DNAJC1: variants seen among roughly 807,000 people sequenced by gnomAD.
DNAJC1 encodes DnaJ heat shock protein family (Hsp40) member C1.
Under a neutral mutation model 76.6 loss-of-function variants are expected in DNAJC1, and 58 were observed. That is an observed-to-expected ratio of 0.76 (90% CI 0.61 to 0.94). DNAJC1 has a LOEUF of 0.94. Ranked by LOEUF, DNAJC1 falls within the 40% of genes least tolerant of loss-of-function variation. DNAJC1 has a pLI of 0.00. For synonymous variants in DNAJC1, 258 were observed against 267.9 expected, an observed-to-expected ratio of 0.96 and a Z score of 0.36; for missense variants, 689 against 677.3, an observed-to-expected ratio of 1.02 and a Z score of -0.19.
intron 3 of DNAJC1, among the ~76,000 whole-genome samples, chr10:21,922,777 A>G (rs1837060585): frequency 1.3e-5 from 2 of 152,004 alleles, no homozygotes; most frequent in Non-Finnish European, 2.9e-5. Flanking sequence ...TCCACATTCT[A>G]CTTCAGATTT....
chr10:21,993,055 T>C (rs1232351728), intron 1 of DNAJC1, among the ~76,000 whole-genome samples: 1 of 152,196 alleles, frequency 6.6e-6, no homozygotes, highest in East Asian at 1.9e-4. Flanking sequence ...ATAGGAAACA[T>C]TTTGATAAGA....
intron 1 of DNAJC1, among the ~76,000 whole-genome samples, chr10:21,938,422 T>TAATA (rs1412022010): frequency 1.3e-5 from 2 of 152,102 alleles, no homozygotes; most frequent in Non-Finnish European, 2.9e-5. Flanking sequence ...TTTTGCTACG[T>TAATA]AATAGCACTG....
chr10:21,813,208 C>A lies in DNAJC1; in HGVS notation c.979-7109G>T, dbSNP rs866038926. On this transcript the variant is annotated intron_variant, in intron 8 of 11. Transcript: ENST00000376980. ...TCTCTCTCTCTCTCTCTCTCTCTCT[C>A]TCTCTCTCTCTCTATATATATATAT... Among the ~76,000 whole-genome samples the A allele has an allele frequency of 2.3e-3, 160 of 68,588 alleles. 3 individuals are homozygous for A. Among genetic ancestry groups the A allele is most frequent in the African/African-American group, 0.011 (117 of 10,430 alleles). 45.0% of individuals were successfully genotyped at this position (68,588 alleles called of 152,430 possible). A position where few individuals can be genotyped will look rare whatever the true frequency, so the allele number is the denominator to read the frequency against.
rs1177322436 is a variant in DNAJC1, at chr10:21,929,096, G to T, written c.268C>A (p.Leu90Ile). The part of the protein sequence containing the change: ...DIRKAYRKLS[L>I]TLHPDKNKDE... ...TTATTCTTGTCTGGATGTAAAGTTA[G>T]TGAAAGCTTACGATATGCTTTTCTG... is the stretch of plus-strand genomic sequence containing the variant. Residue 90 changes from leucine (L) to isoleucine (I), a missense_variant, in exon 2 of 12, where the codon CTA (leucine) becomes ATA (isoleucine). Coordinates refer to ENST00000376980, the MANE Select transcript of DNAJC1 (RefSeq NM_022365.4). The T allele has an allele frequency of 6.2e-7, 1 of 1,612,560 alleles. No homozygotes were observed. Among genetic ancestry groups the T allele is most frequent in the Non-Finnish European group, 8.5e-7 (1 of 1,179,652 alleles).
chr10:22,003,391 C>T lies in DNAJC1; in HGVS notation c.44G>A (p.Arg15His), dbSNP rs1333785353. The change falls in exon 1 of 12, where the codon CGC becomes CAC. Residue 15 changes from arginine (R) to histidine (H), a missense_variant. By Grantham distance (29) the Arg-to-His change is conservative. Coordinates refer to ENST00000376980, the MANE Select transcript of DNAJC1 (RefSeq NM_022365.4). The part of the protein sequence containing the change: ...CSQPAQLPGR[R>H]QLGLVPFPPP... ...CGGGAACGGCACCAGCCCGAGCTGG[C>T]GGCGTCCAGGAAGCTGCGCCGGCTG... 1 of 1,380,166 alleles carries T rather than the reference C, an allele frequency of 7.2e-7. No individual in the cohort carries two copies. 85.5% of individuals were successfully genotyped at this position (1,380,166 alleles called of 1,614,324 possible). A position where few individuals can be genotyped will look rare whatever the true frequency, so the allele number is the denominator to read the frequency against.
At chr10:21,894,147 T>G (rs1207669506) in intron 7 of DNAJC1, among the ~76,000 whole-genome samples, 4 of 152,198 alleles carry the variant, frequency 2.6e-5, no homozygotes, top group African/African-American at 9.6e-5. Context: ...GCTCTATAAC[T>G]ATAAATCCAA....
chr10:21,917,380 TA>T (rs1400163416), intron 6 of DNAJC1, among the ~76,000 whole-genome samples: 4 of 152,130 alleles, frequency 2.6e-5, no homozygotes, highest in Non-Finnish European at 5.9e-5. Context: ...CAAATTAGAT[TA>T]AAATTACAAA....
At chr10:21,828,063 G>C (rs892685488) in intron 8 of DNAJC1, among the ~76,000 whole-genome samples, 2 of 152,190 alleles carry the variant, frequency 1.3e-5, no homozygotes, top group Non-Finnish European at 2.9e-5. Context: ...CAGCGTCAAT[G>C]AGAGAACCTC....
intron 1 of DNAJC1, among the ~76,000 whole-genome samples, chr10:21,962,171 C>T (rs117242963): frequency 2.3e-3 from 354 of 152,208 alleles, no homozygotes; most frequent in Non-Finnish European, 3.7e-3. Context: ...TTTATTTACA[C>T]TTATTCTCTT....
At chr10:21,904,297 C>G (rs1157919208) in intron 7 of DNAJC1, among the ~76,000 whole-genome samples, 1 of 151,748 alleles carries the variant, frequency 6.6e-6, no homozygotes, top group Non-Finnish European at 1.5e-5. Context: ...ATGACTCAAG[C>G]TGATTTTATC....
At chr10:21,832,972 T>C (rs185471285) in intron 8 of DNAJC1, among the ~76,000 whole-genome samples, 3 of 152,356 alleles carry the variant, frequency 2.0e-5, no homozygotes, top group East Asian at 3.9e-4. Flanking sequence ...TCAAGAGTGA[T>C]TTATTCCTTA....
chr10:21,879,040 G>A (rs1836230589), intron 8 of DNAJC1, among the ~76,000 whole-genome samples: 1 of 152,184 alleles, frequency 6.6e-6, no homozygotes, highest in Non-Finnish European at 1.5e-5. Context: ...AGGAAATGAT[G>A]CTATTTATAA....
chr10:21,936,356 G>A (rs139025446), intron 1 of DNAJC1, among the ~76,000 whole-genome samples: 1 of 152,272 alleles, frequency 6.6e-6, no homozygotes, highest in Non-Finnish European at 1.5e-5. Flanking sequence ...TTTTGTTATA[G>A]CAGCACAGAC....
intron 9 of DNAJC1, among the ~76,000 whole-genome samples, chr10:21,768,118 T>C (rs1834323477): frequency 6.6e-6 from 1 of 152,172 alleles, no homozygotes; most frequent in South Asian, 2.1e-4. Flanking sequence ...TTAAGAAATA[T>C]GGGGTTAAAG....
At chr10:21,807,402 CG>C (rs1050418443) in intron 8 of DNAJC1, among the ~76,000 whole-genome samples, 4 of 152,172 alleles carry the variant, frequency 2.6e-5, no homozygotes, top group African/African-American at 9.7e-5. Context: ...GCAAGCTTAA[CG>C]GGGCCCTTCC....
At chr10:21,828,056 C>T (rs141776985) in intron 8 of DNAJC1, among the ~76,000 whole-genome samples, 1 of 152,182 alleles carries the variant, frequency 6.6e-6, no homozygotes, top group Non-Finnish European at 1.5e-5. Context: ...TCCCCATCAG[C>T]GTCAATGAGA....
intron 8 of DNAJC1, among the ~76,000 whole-genome samples, chr10:21,815,449 T>C (rs893001232): frequency 1.3e-5 from 2 of 152,184 alleles, no homozygotes; most frequent in South Asian, 2.1e-4. Flanking sequence ...GATATTCTGA[T>C]AACTGCTATT....
chr10:21,790,314 A>G (rs1834668680), intron 9 of DNAJC1, among the ~76,000 whole-genome samples: 1 of 151,926 alleles, frequency 6.6e-6, no homozygotes, highest in African/African-American at 2.4e-5. Flanking sequence ...GCATCCAGAG[A>G]CCCCCAAATA....
intron 8 of DNAJC1, among the ~76,000 whole-genome samples, chr10:21,831,170 C>A (rs1013403030): frequency 1.4e-4 from 21 of 152,150 alleles, no homozygotes; most frequent in African/African-American, 5.1e-4. Context: ...TGGGGTAAGC[C>A]TAAAGAATAG....
Sources: allele counts gnomAD v4.1 joint callset (sites outside exome capture counted in the v4.1 genomes callset), GRCh38; gene constraint gnomAD v4.1.1; transcripts MANE v1.5; gene names NCBI Gene and HGNC (gene_info 2026-07-23, HGNC 2026-07-21).